The following CDH13 variants were observed in gnomAD, a reference collection of about 807,000 sequenced individuals.
The protein encoded by CDH13 is cadherin-13.
A neutral mutation model predicts 63.8 loss-of-function variants in CDH13; 24 were observed. That is an observed-to-expected ratio of 0.38 (90% confidence interval 0.27 to 0.53). The LOEUF (loss-of-function observed/expected upper bound fraction) is 0.53, where lower values mean the gene tolerates loss of function less well. Among genes scored for constraint, CDH13 ranks in the 20% least tolerant of loss-of-function variants. The pLI, the probability that CDH13 is intolerant of heterozygous loss-of-function variation, is 0.85. For synonymous variants in CDH13, 503 were observed against 355.3 expected, an observed-to-expected ratio of 1.42 and a Z score of -4.67; for missense variants, 1,049 against 903.1, an observed-to-expected ratio of 1.16 and a Z score of -2.07.
intron 2 of CDH13, among the ~76,000 whole-genome samples, chr16:82,862,723 C>G (rs1308688553): frequency 1.3e-5 from 2 of 152,206 alleles, no homozygotes; most frequent in Non-Finnish European, 2.9e-5. Flanking sequence ...CAAGAGCAGG[C>G]TAGGCTAGGC....
intron 2 of CDH13, among the ~76,000 whole-genome samples, chr16:82,955,589 G>A (rs572491153): frequency 7.1e-6 from 1 of 140,654 alleles, no homozygotes; most frequent in Admixed American, 7.5e-5. Context: ...ACATGCATTC[G>A]TTTTTGTTTT....
chr16:83,719,261 A>C (rs2150933718), intron 10 of CDH13, among the ~76,000 whole-genome samples: 1 of 152,308 alleles, frequency 6.6e-6, no homozygotes, highest in East Asian at 1.9e-4. Context: ...GATCCTAATA[A>C]TGTCTGTCCA....
intron 1 of CDH13, among the ~76,000 whole-genome samples, chr16:82,695,210 G>A (rs1221067674): frequency 6.6e-6 from 1 of 152,130 alleles, no homozygotes; most frequent in Non-Finnish European, 1.5e-5. Flanking sequence ...GCAATGAGGA[G>A]GCTGTGAAGC....
chr16:83,230,028 T>A (rs1336864425), intron 5 of CDH13, among the ~76,000 whole-genome samples: 1 of 152,206 alleles, frequency 6.6e-6, no homozygotes, highest in Non-Finnish European at 1.5e-5. Flanking sequence ...TGTGTCCTCC[T>A]TCAATGGATC....
At chr16:83,370,197 C>G (rs1216323910) in intron 6 of CDH13, among the ~76,000 whole-genome samples, 1 of 152,106 alleles carries the variant, frequency 6.6e-6, no homozygotes, top group Non-Finnish European at 1.5e-5. Context: ...ACCATCCTGG[C>G]TAACATGGTG....
chr16:83,562,470 T>C (rs558714249), intron 7 of CDH13, among the ~76,000 whole-genome samples: 67 of 152,370 alleles, frequency 4.4e-4, no homozygotes, highest in East Asian at 9.6e-4. Flanking sequence ...TTGGATTCTA[T>C]GTATTTTTAG....
In CDH13 at chr16:83,004,586, C is replaced by T. The variant is rs180856759; in HGVS notation, c.158-27424C>T. ...TTGGTGTGCTCACTGCAACGTGTGC[C>T]TCCCAGGTTCAAGCGATTCTCGTGC... On this transcript the variant is annotated intron_variant, in intron 2 of 13. Transcript: ENST00000567109. Among the ~76,000 whole-genome samples, 329 of 152,194 alleles carry T rather than the reference C, an allele frequency of 2.2e-3. 2 individuals are homozygous for T. Among genetic ancestry groups the T allele is most frequent in the African/African-American group, 7.5e-3 (313 of 41,504 alleles).
At chr16:83,097,219 A>G (rs2034251293) in intron 3 of CDH13, among the ~76,000 whole-genome samples, 1 of 152,166 alleles carries the variant, frequency 6.6e-6, no homozygotes, top group African/African-American at 2.4e-5. Flanking sequence ...ATTTCTGTAT[A>G]TGCCTAAGAA....
chr16:83,761,843 G>T (rs1413629100), intron 11 of CDH13, among the ~76,000 whole-genome samples: 1 of 152,078 alleles, frequency 6.6e-6, no homozygotes, highest in Non-Finnish European at 1.5e-5. Context: ...GAGGCAGGTG[G>T]GTCACTTAAG....
At chr16:82,650,011 C>G (rs1910540084) in intron 1 of CDH13, among the ~76,000 whole-genome samples, 1 of 152,160 alleles carries the variant, frequency 6.6e-6, no homozygotes, top group Admixed American at 6.5e-5. Context: ...AGGACCATTT[C>G]CTGGGCAACA....
intron 5 of CDH13, among the ~76,000 whole-genome samples, chr16:83,227,063 C>A (rs17749387): frequency 2.6e-5 from 4 of 152,154 alleles, no homozygotes; most frequent in Non-Finnish European, 4.4e-5. Context: ...GTTGAAGACC[C>A]TTGGGTTCGA....
At chr16:83,417,774 C>T (rs2071595615) in intron 6 of CDH13, among the ~76,000 whole-genome samples, 1 of 152,136 alleles carries the variant, frequency 6.6e-6, no homozygotes, top group Non-Finnish European at 1.5e-5. Context: ...TATAAGCAAT[C>T]AGAATTCTCT....
intron 6 of CDH13, among the ~76,000 whole-genome samples, chr16:83,473,184 C>T (rs932074044): frequency 6.6e-6 from 1 of 152,094 alleles, no homozygotes; most frequent in Admixed American, 6.6e-5. Context: ...CATAAAGCAA[C>T]TCCTTCTAAT....
At chr16:83,371,367 T>G (rs2091364280) in intron 6 of CDH13, among the ~76,000 whole-genome samples, 1 of 152,200 alleles carries the variant, frequency 6.6e-6, no homozygotes, top group African/African-American at 2.4e-5. Context: ...CCAATCCTAA[T>G]ATGAGAGAAT....
chr16:83,747,232 C>G (rs1334967678), intron 10 of CDH13, among the ~76,000 whole-genome samples: 1 of 152,158 alleles, frequency 6.6e-6, no homozygotes, highest in African/African-American at 2.4e-5. Context: ...GTGTCCTCAC[C>G]CAAGTCTCAT....
At chr16:83,127,973 T>C (rs1316574828) in intron 4 of CDH13, among the ~76,000 whole-genome samples, 1 of 152,214 alleles carries the variant, frequency 6.6e-6, no homozygotes, top group East Asian at 1.9e-4. Context: ...ACAGGTTTCC[T>C]GGGAGCCCAA....
At chr16:83,657,094 A>T (rs1912937750) in intron 8 of CDH13, among the ~76,000 whole-genome samples, 2 of 152,206 alleles carry the variant, frequency 1.3e-5, no homozygotes, top group African/African-American at 4.8e-5. Context: ...CATGAATAAG[A>T]TCTCAGCCCT....
At chr16:83,671,022 C>A (rs771624568) in intron 9 of CDH13, 50 bp downstream of exon 9, 1 of 1,444,892 alleles carries the variant, frequency 6.9e-7, no homozygotes, top group Non-Finnish European at 9.4e-7. Context: ...CACGGAGGGC[C>A]CCATGAGGCA....
rs1917875935 is a variant in CDH13 at position 83,047,229 on chromosome 16, G to A, written c.366+15011G>A. Among the ~76,000 whole-genome samples, 1 of 149,910 alleles carries A rather than the reference G, an allele frequency of 6.7e-6. No individual in the cohort carries two copies. The highest frequency in any genetic ancestry group is 1.5e-5 in the Non-Finnish European group (1 of 66,896). On this transcript the variant is annotated intron_variant, in intron 3 of 13. Transcript: ENST00000567109. This position sits in a 1 kb window ranked among gnomAD's most constrained non-coding sequence, Gnocchi z 4.9. ...CCTGCCCCTCACTCTTACTCCAGAG[G>A]CCTGTGTATTTATTTATTTATTTAT...
Sources: allele counts gnomAD v4.1 joint callset (sites outside exome capture counted in the v4.1 genomes callset), GRCh38; gene constraint gnomAD v4.1.1; non-coding constraint Gnocchi (gnomAD v3.1); transcripts MANE v1.5; gene names NCBI Gene and HGNC (gene_info 2026-07-23, HGNC 2026-07-21).